WWP2: variants seen among roughly 807,000 people sequenced by gnomAD.
WWP2 encodes the protein WW domain containing E3 ubiquitin protein ligase 2.
WWP2 carries 57 observed loss-of-function variants against 121.0 expected under a neutral mutation model. The ratio of observed to expected loss-of-function variants is 0.47; its 90% CI spans 0.38 to 0.59. WWP2 has a LOEUF of 0.59. WWP2 is among the 20% of genes least tolerant of loss of function. The probability of loss-of-function intolerance (pLI) is 0.00; values close to 1 mark genes in which losing one functional copy is unlikely to be tolerated. For missense variants in WWP2, 962 were observed against 1,158.9 expected, an observed-to-expected ratio of 0.83 and a Z score of 2.47; for synonymous variants, 449 against 441.3, an observed-to-expected ratio of 1.02 and a Z score of -0.22.
intron 11 of WWP2, among the ~76,000 whole-genome samples, chr16:69,928,333 G>T (rs1272413242): frequency 6.6e-6 from 1 of 152,070 alleles, no homozygotes; most frequent in African/African-American, 2.4e-5. Flanking sequence ...CCTCTTTTGA[G>T]CCAAGAGCTT....
chr16:69,879,993 C>CTT (rs113061460), intron 7 of WWP2, among the ~76,000 whole-genome samples: 1 of 149,036 alleles, frequency 6.7e-6, no homozygotes, highest in Non-Finnish European at 1.5e-5. Flanking sequence ...AAATGAGATA[C>CTT]TTTTTTTTTT....
chr16:69,766,036 G>A (rs2151762855), intron 1 of WWP2, among the ~76,000 whole-genome samples: 1 of 152,196 alleles, frequency 6.6e-6, no homozygotes, highest in East Asian at 1.9e-4. Flanking sequence ...CCTGTCTCGA[G>A]ACTTCTAGAT....
chr16:69,890,846 C>T (rs1316613001), intron 8 of WWP2: 1 of 152,212 alleles, frequency 6.6e-6, no homozygotes, highest in Non-Finnish European at 1.5e-5. Flanking sequence ...ATTCCCCTCC[C>T]TCATCCTGCC....
At chr16:69,929,407 G>A (rs756814812) in intron 11 of WWP2, 41 bp from the exon 12 acceptor site, 12 of 1,590,538 alleles carry the variant, frequency 7.5e-6, no homozygotes, top group South Asian at 3.3e-5. Context: ...CCGGCTCTCC[G>A]TGTTTGAATC....
At chr16:69,929,985 C>G (rs1476307100) in intron 12 of WWP2, 145 bp from the exon 13 acceptor site, 1 of 1,257,104 alleles carries the variant, frequency 8.0e-7, no homozygotes, top group South Asian at 1.4e-5. Flanking sequence ...GTTCTCACGA[C>G]TTGGGTCATG....
intron 4 of WWP2, among the ~76,000 whole-genome samples, chr16:69,839,284 C>CTCTTGGTAATTATTAA (rs2056932544): frequency 6.6e-6 from 1 of 152,196 alleles, no homozygotes; most frequent in Non-Finnish European, 1.5e-5. Flanking sequence ...AACTGAAGGC[C>CTCTTGGTAATTATTAA]ATAGCTCCTG....
intron 4 of WWP2, among the ~76,000 whole-genome samples, chr16:69,809,901 C>G (rs770118508): frequency 2.6e-5 from 4 of 152,052 alleles, no homozygotes; most frequent in Non-Finnish European, 5.9e-5. Context: ...GGGAAGCTGT[C>G]GTTAACATGG....
chr16:69,913,835 C>T (rs540673462), intron 9 of WWP2, among the ~76,000 whole-genome samples: 2 of 151,706 alleles, frequency 1.3e-5, no homozygotes, highest in African/African-American at 2.4e-5. Flanking sequence ...TTTGGGAGGG[C>T]GAGGCAGGTG....
chr16:69,903,906 A>C (rs1389193709), intron 8 of WWP2, among the ~76,000 whole-genome samples: 1 of 152,236 alleles, frequency 6.6e-6, no homozygotes, highest in Admixed American at 6.5e-5. Context: ...CTGAAAAATG[A>C]GCGTACTAGT....
chr16:69,860,721 A>G (rs2057401318), intron 6 of WWP2, among the ~76,000 whole-genome samples: 1 of 151,970 alleles, frequency 6.6e-6, no homozygotes, highest in South Asian at 2.1e-4. Context: ...ACTTAGAAAT[A>G]ATGCTCTACC....
chr16:69,764,139 C>T (rs183244485), intron 1 of WWP2, among the ~76,000 whole-genome samples: 1 of 152,308 alleles, frequency 6.6e-6, no homozygotes, highest in East Asian at 1.9e-4. Flanking sequence ...AGTAGGGACT[C>T]AAGCCCAGAC....
In WWP2 at chr16:69,871,787, C is replaced by G. The variant is rs1653835800; in HGVS notation, c.576-17C>G. On this transcript the variant is annotated splice_polypyrimidine_tract_variant and intron_variant, in intron 6 of 23. Coordinates refer to ENST00000359154, the MANE Select transcript of WWP2 (RefSeq NM_001270454.2). ...ACAGTGACTTATGTCTGTCTGCTTTCTACTTTGAACCCCCAGGACGCACAG... is the reference window on the plus strand; with the variant it reads ...ACAGTGACTTATGTCTGTCTGCTTTGTACTTTGAACCCCCAGGACGCACAG... 1 of 1,613,626 alleles carries G rather than the reference C, an allele frequency of 6.2e-7. No homozygotes were observed. The highest frequency in any genetic ancestry group is 1.1e-5 in the South Asian group (1 of 91,054).
At chr16:69,860,435 A>G (rs538211739) in intron 6 of WWP2, among the ~76,000 whole-genome samples, 8 of 152,204 alleles carry the variant, frequency 5.3e-5, no homozygotes, top group Non-Finnish European at 1.0e-4. Flanking sequence ...TAGCAGTGCC[A>G]TAAAGGGAAC....
chr16:69,933,515 C>T (rs943175852), intron 16 of WWP2, among the ~76,000 whole-genome samples: 10 of 152,086 alleles, frequency 6.6e-5, no homozygotes, highest in South Asian at 2.1e-4. Flanking sequence ...GTTATGTTGC[C>T]CGCCCAGGTA....
At chr16:69,878,303 T>C (rs2057769909) in intron 7 of WWP2, among the ~76,000 whole-genome samples, 1 of 152,322 alleles carries the variant, frequency 6.6e-6, no homozygotes, top group African/African-American at 2.4e-5. Flanking sequence ...GTTCATGCTG[T>C]TGGAAAAATG....
At chr16:69,771,540 C>G (rs1423932017) in intron 1 of WWP2, among the ~76,000 whole-genome samples, 1 of 152,176 alleles carries the variant, frequency 6.6e-6, no homozygotes, top group Non-Finnish European at 1.5e-5. Context: ...AGGCACAGAG[C>G]CTGAAGGACT....
chr16:69,913,765 A>G (rs1425393689), intron 9 of WWP2, among the ~76,000 whole-genome samples: 3 of 152,140 alleles, frequency 2.0e-5, no homozygotes, highest in South Asian at 2.1e-4. Flanking sequence ...AAAATTCAGT[A>G]GAATGGTTGA....
chr16:69,936,501 T>C, intron 19 of WWP2, 49 bp downstream of exon 19: 14 of 1,605,858 alleles, frequency 8.7e-6, no homozygotes, highest in Non-Finnish European at 1.1e-5. Flanking sequence ...CGTGGAGATC[T>C]AGTGGGTTGC....
At chr16:69,822,686 G>A (rs906308784) in intron 4 of WWP2, among the ~76,000 whole-genome samples, 1 of 152,140 alleles carries the variant, frequency 6.6e-6, no homozygotes, top group Non-Finnish European at 1.5e-5. Context: ...GGAACAGCAT[G>A]TGGGAAGCTT....
Sources: gnomAD v4.1 joint callset for allele counts (sites outside exome capture counted in the v4.1 genomes callset) on GRCh38, gnomAD v4.1.1 for gene constraint, MANE v1.5 for transcripts, NCBI Gene and HGNC (gene_info 2026-07-23, HGNC 2026-07-21) for gene names.